ABLIM3: variants seen among roughly 807,000 people sequenced by gnomAD.
ABLIM3 encodes the protein actin-binding LIM protein 3.
In ABLIM3, 61 loss-of-function variants were observed where a neutral mutation model predicts 109.5. The ratio of observed to expected loss-of-function variants is 0.56; its 90% CI spans 0.45 to 0.69. ABLIM3 has a LOEUF of 0.69. Ranked by LOEUF, ABLIM3 falls within the 30% of genes least tolerant of loss-of-function variation. The pLI is 0.00. For synonymous variants in ABLIM3, 300 were observed against 324.8 expected, an observed-to-expected ratio of 0.92 and a Z score of 0.82; for missense variants, 796 against 889.5, an observed-to-expected ratio of 0.89 and a Z score of 1.34.
At chr5:149,257,807 A>T (rs1432167842) in intron 23 of ABLIM3, among the ~76,000 whole-genome samples, 5 of 152,162 alleles carry the variant, frequency 3.3e-5, no homozygotes, top group Non-Finnish European at 7.4e-5. Context: ...AAGAGCAGAA[A>T]TTTTTTTCAT....
At chr5:149,206,099 G>T (rs78933042) in intron 5 of ABLIM3, among the ~76,000 whole-genome samples, 1 of 152,218 alleles carries the variant, frequency 6.6e-6, no homozygotes, top group Non-Finnish European at 1.5e-5. Flanking sequence ...TGGGTCATCC[G>T]GTTGGCTAGG....
At chr5:149,234,417 G>C (rs1561618314) in intron 10 of ABLIM3, among the ~76,000 whole-genome samples, 1 of 152,202 alleles carries the variant, frequency 6.6e-6, no homozygotes, top group Non-Finnish European at 1.5e-5. Context: ...AGAAGCTCTA[G>C]ATAGAGTCAG....
intron 2 of ABLIM3, among the ~76,000 whole-genome samples, chr5:149,183,076 C>A (rs1360452130): frequency 6.6e-6 from 1 of 152,186 alleles, no homozygotes; most frequent in African/African-American, 2.4e-5. Context: ...AATTGCAAGT[C>A]CCAAATTCCC....
intron 8 of ABLIM3, among the ~76,000 whole-genome samples, chr5:149,222,645 A>G (rs1164170732): frequency 6.7e-6 from 1 of 149,736 alleles, no homozygotes; most frequent in Non-Finnish European, 1.5e-5. Flanking sequence ...TGTGTAACTG[A>G]ATCTATTTCA....
Position 149,259,033 on chromosome 5 carries a change from G to A in ABLIM3, c.*629G>A. On this transcript the variant is annotated 3_prime_UTR_variant, in exon 24 of 24. Transcript: ENST00000309868. ...CCTTAACCCTCCTCCTTCTGCCCTG[G>A]ATTGTAACCTCTCCCTTGTCCAAAT... 1.0e-6 allele frequency: 1 copy of A among 1,004,668 alleles called. No homozygotes were observed. The highest frequency in any genetic ancestry group is 1.7e-5 in the African/African-American group (1 of 57,642). 62.2% of individuals were successfully genotyped at this position (1,004,668 alleles called of 1,614,324 possible).
At chr5:149,239,950 G>T (rs989926118) in intron 13 of ABLIM3, 62 bp downstream of exon 13, 207 of 1,539,322 alleles carry the variant, frequency 1.3e-4, no homozygotes, top group Non-Finnish European at 2.8e-5. Context: ...AGTCACTTGG[G>T]GTCCCTGCTG....
intron 2 of ABLIM3, among the ~76,000 whole-genome samples, chr5:149,174,188 T>G (rs1314131813): frequency 6.6e-6 from 1 of 152,146 alleles, no homozygotes; most frequent in Non-Finnish European, 1.5e-5. Context: ...GTCATAGGTT[T>G]GCATTCCATG....
Position 149,258,348 on chromosome 5 carries a change from G to T in ABLIM3, c.1996G>T (p.Asp666Tyr), listed in dbSNP as rs1400572792. Residue 666 changes from aspartate (D) to tyrosine (Y), a missense_variant, in exon 24 of 24, where the codon GAC becomes TAC. Physicochemically the swap from Asp to Tyr is radical, Grantham distance 160 (BLOSUM62 -3). Coordinates refer to ENST00000309868, the MANE Select transcript of ABLIM3 (RefSeq NM_014945.5). ...CTTTGGCATGACCATCTCTGAGTTT[G>T]ACCGGCTGGCCCTCTGGAAGAGGAA... is the stretch of plus-strand genomic sequence containing the variant. ...QVFGMTISEF[D>Y]RLALWKRNEL... 5 of 1,612,548 alleles carry T rather than the reference G, an allele frequency of 3.1e-6. No individual in the cohort carries two copies. Among genetic ancestry groups the T allele is most frequent in the Non-Finnish European group, 4.2e-6 (5 of 1,179,656 alleles).
chr5:149,224,088 T>G (rs1760930946), intron 8 of ABLIM3, among the ~76,000 whole-genome samples: 2 of 152,192 alleles, frequency 1.3e-5, no homozygotes, highest in South Asian at 4.1e-4. Flanking sequence ...ATATACTCAA[T>G]AAATGGCAGT....
intron 3 of ABLIM3, among the ~76,000 whole-genome samples, chr5:149,189,070 T>C (rs1250861719): frequency 6.6e-6 from 1 of 152,206 alleles, no homozygotes; most frequent in African/African-American, 2.4e-5. Context: ...TATGGTTGGT[T>C]AATTTTCAAC....
intron 13 of ABLIM3, 176 bp from the exon 14 acceptor site, chr5:149,240,500 C>T (rs1020004736): frequency 3.7e-5 from 22 of 600,220 alleles, no homozygotes; most frequent in Non-Finnish European, 5.1e-5. Flanking sequence ...TTTCTGCCAA[C>T]GTGGTGCATG....
Position 149,239,628 on chromosome 5 carries a change from G to A in ABLIM3, c.1075-131G>A, listed in dbSNP as rs1752588254. Reference sequence around the variant, plus strand: ...GCTGTGTGTGTAACTCAGGGAGGAGGGGGGTCTCTGTATTCACACCTCAAA... The same window carrying A: ...GCTGTGTGTGTAACTCAGGGAGGAGAGGGGTCTCTGTATTCACACCTCAAA... On this transcript the variant is annotated intron_variant, in intron 12 of 23. Transcript: ENST00000309868. The A allele has an allele frequency of 4.2e-6, 5 of 1,197,028 alleles. No individual in the cohort carries two copies. In the Admixed American group the frequency reaches 9.4e-5, roughly 23 times the overall value. 74.2% of individuals were successfully genotyped at this position (1,197,028 alleles called of 1,614,324 possible). A position where few individuals can be genotyped will look rare whatever the true frequency, so the allele number is the denominator to read the frequency against.
At chr5:149,220,517 G>A in intron 8 of ABLIM3, 1 of 152,280 alleles carries the variant, frequency 6.6e-6, no homozygotes. Flanking sequence ...GAATGAGGGG[G>A]ACCAGGCCAA....
Position 149,237,656 on chromosome 5 carries a change from T to A in ABLIM3, c.1044+53T>A, listed in dbSNP as rs1752352148. The A allele has an allele frequency of 2.5e-6, 4 of 1,605,856 alleles. No homozygotes were observed. In the Admixed American group the frequency reaches 6.7e-5, roughly 27 times the overall value. ...GCTATTGTAGGAAAGGAGATTGCTC[T>A]GGGGTCCCCAGCCCTCTCCATCACA... On this transcript the variant is annotated intron_variant, in intron 11 of 23. Transcript: ENST00000309868.
At chr5:149,181,667 C>G (rs966463572) in intron 2 of ABLIM3, among the ~76,000 whole-genome samples, 2 of 152,192 alleles carry the variant, frequency 1.3e-5, no homozygotes, top group Non-Finnish European at 1.5e-5. Context: ...TCCTGATTTC[C>G]TGTTCCTCTT....
In ABLIM3 at chr5:149,200,245, G is replaced by A. The variant is rs573148841; in HGVS notation, c.336-71G>A. The A allele has an allele frequency of 2.3e-5, 31 of 1,335,098 alleles. No individual in the cohort carries two copies. The East Asian group carries it at 7.2e-4, about 31-fold the overall frequency. The allele number at this position is 1,335,098 out of a possible 1,614,324, so 82.7% of individuals were successfully genotyped here. Reference sequence around the variant, plus strand: ...TGTATGTGTTACCAAAGTGCTTTGAGCACATGTGTGGTCAGCTACAGAATC... The same window carrying A: ...TGTATGTGTTACCAAAGTGCTTTGAACACATGTGTGGTCAGCTACAGAATC... On this transcript the variant is annotated intron_variant, in intron 4 of 23. Coordinates refer to ENST00000309868, the MANE Select transcript of ABLIM3 (RefSeq NM_014945.5).
chr5:149,244,836 C>T (rs372185239), intron 15 of ABLIM3, 45 bp from the exon 16 acceptor site: 24 of 1,613,762 alleles, frequency 1.5e-5, no homozygotes, highest in East Asian at 4.5e-5. Context: ...AGTCCCATCC[C>T]GGTCACTCTG....
intron 5 of ABLIM3, among the ~76,000 whole-genome samples, chr5:149,203,197 AC>A: frequency 6.6e-6 from 1 of 151,498 alleles, no homozygotes; most frequent in South Asian, 2.1e-4. Flanking sequence ...CACTATCTTC[AC>A]CATCACTACC....
intron 14 of ABLIM3, 46 bp downstream of exon 14, chr5:149,240,820 T>C (rs1752746448): frequency 6.4e-7 from 1 of 1,570,094 alleles, no homozygotes; most frequent in Non-Finnish European, 8.8e-7. Context: ...GCATGCTCCA[T>C]GGGGTCACAG....
Sources: gnomAD v4.1 joint callset for allele counts (sites outside exome capture counted in the v4.1 genomes callset) on GRCh38, gnomAD v4.1.1 for gene constraint, MANE v1.5 for transcripts, NCBI Gene and HGNC (gene_info 2026-07-23, HGNC 2026-07-21) for gene names.